The following SNX32 variants were observed in gnomAD, a reference collection of about 807,000 sequenced individuals.
SNX32 encodes the protein sorting nexin-32.
Under a neutral mutation model 57.0 loss-of-function variants are expected in SNX32, and 58 were observed. The observed-to-expected ratio is 1.02, with a 90% CI of 0.82 to 1.27. SNX32 has a LOEUF of 1.27. Ranked by LOEUF, SNX32 falls within the 50% of genes most tolerant of loss-of-function variation. The probability of loss-of-function intolerance (pLI) is 0.00; values close to 1 mark genes in which losing one functional copy is unlikely to be tolerated. For missense variants in SNX32, 589 were observed against 541.2 expected, an observed-to-expected ratio of 1.09 and a Z score of -0.88; for synonymous variants, 262 against 220.4, an observed-to-expected ratio of 1.19 and a Z score of -1.67.
chr11:65,851,722 T>C, intron 9 of SNX32, 43 bp downstream of exon 9: 1 of 1,607,308 alleles, frequency 6.2e-7, no homozygotes, highest in African/African-American at 1.3e-5. Context: ...CTGGTGAGCT[T>C]TGCAGGGAAG....
intron 1 of SNX32, among the ~76,000 whole-genome samples, chr11:65,840,676 T>C (rs925202261): frequency 1.3e-5 from 2 of 152,088 alleles, no homozygotes; most frequent in Non-Finnish European, 2.9e-5. Context: ...TGGTGGCAGA[T>C]GCCTGTAGTC....
chr11:65,848,390 T>A (rs3892544), intron 1 of SNX32, among the ~76,000 whole-genome samples: 5 of 145,154 alleles, frequency 3.4e-5, no homozygotes, highest in African/African-American at 7.7e-5. Flanking sequence ...CTGGGCAACA[T>A]AGCAAGACTC....
At chr11:65,838,794 G>A (rs1858740946) in intron 1 of SNX32, among the ~76,000 whole-genome samples, 1 of 152,080 alleles carries the variant, frequency 6.6e-6, no homozygotes, top group Admixed American at 6.6e-5. Flanking sequence ...CAGAATTAAT[G>A]TGGAATCAAA....
rs762920128 is a variant in SNX32 at position 65,852,854 on chromosome 11, C to T, written c.1073-19C>T. On this transcript the variant is annotated intron_variant, in intron 11 of 12. Transcript: ENST00000308342. ...CCCTGCCCTGCCCGGATCCCCATGC[C>T]TCTTCCCCTCCTCTCCAGAGCTCAT... The T allele has an allele frequency of 6.2e-7, 1 of 1,614,056 alleles. No homozygotes were observed.
chr11:65,851,955 G>C (rs916087207), intron 9 of SNX32, among the ~76,000 whole-genome samples: 5 of 152,154 alleles, frequency 3.3e-5, no homozygotes, highest in Non-Finnish European at 5.9e-5. Context: ...CAAACCTCTG[G>C]CAGGCTGCAC....
chr11:65,834,452 G>A (rs1435340780), intron 1 of SNX32, among the ~76,000 whole-genome samples: 1 of 146,872 alleles, frequency 6.8e-6, no homozygotes, highest in Non-Finnish European at 1.5e-5. Context: ...TGTGTGTATG[G>A]CCTGTGTGTG....
At chr11:65,847,331 G>C (rs1859029633) in intron 1 of SNX32, among the ~76,000 whole-genome samples, 1 of 151,958 alleles carries the variant, frequency 6.6e-6, no homozygotes, top group South Asian at 2.1e-4. Flanking sequence ...AAATTAGCTG[G>C]GCATGGTGGC....
At chr11:65,846,587 C>T (rs950846509) in intron 1 of SNX32, among the ~76,000 whole-genome samples, 6 of 147,194 alleles carry the variant, frequency 4.1e-5, no homozygotes, top group Non-Finnish European at 7.5e-5. Flanking sequence ...AAAAAGAATA[C>T]GCCAGAATAA....
intron 6 of SNX32, 91 bp from the exon 7 acceptor site, chr11:65,850,964 G>A: frequency 1.3e-6 from 2 of 1,505,436 alleles, no homozygotes; most frequent in Admixed American, 1.7e-5. Context: ...GCCTGGCCTG[G>A]TTTGGAAGGA....
At chr11:65,848,589 T>G (rs1244238504) in intron 1 of SNX32, among the ~76,000 whole-genome samples, 1 of 152,094 alleles carries the variant, frequency 6.6e-6, no homozygotes, top group African/African-American at 2.4e-5. Context: ...TAAATACATG[T>G]TGAATAGCTC....
intron 9 of SNX32, 46 bp downstream of exon 9, chr11:65,851,725 C>G: frequency 6.2e-7 from 1 of 1,602,170 alleles, no homozygotes; most frequent in Non-Finnish European, 8.6e-7. Flanking sequence ...GTGAGCTTTG[C>G]AGGGAAGATG....
At chr11:65,850,397 G>T in intron 4 of SNX32, 34 bp from the exon 5 acceptor site, 1 of 1,613,542 alleles carries the variant, frequency 6.2e-7, no homozygotes, top group Non-Finnish European at 8.5e-7. Flanking sequence ...GATGGGGGCT[G>T]AGGAGGGCCG....
chr11:65,850,431 G>A lies in SNX32; in HGVS notation c.375G>A (p.Ala125=). The change falls in exon 5 of 13, where the codon GCG becomes GCA. Residue 125 remains alanine (A), a splice_region_variant and synonymous_variant. Coordinates refer to ENST00000308342, the MANE Select transcript of SNX32 (RefSeq NM_152760.3). ...CGGTGAGCTGCTGCCACTCTCGCAG[G>A]GAGTACCTGGCCATCTTTAAGAAGA... ...EFAKMKQELE[A]EYLAIFKKTV... The A allele has an allele frequency of 6.2e-7, 1 of 1,614,152 alleles. No individual in the cohort carries two copies. The highest frequency in any genetic ancestry group is 1.1e-5 in the South Asian group (1 of 91,088).
Position 65,853,265 on chromosome 11 carries a change from C to A in SNX32, c.1159-17C>A. The A allele has an allele frequency of 6.2e-7, 1 of 1,614,036 alleles. No homozygotes were observed. Among genetic ancestry groups the A allele is most frequent in the Non-Finnish European group, 8.5e-7 (1 of 1,179,972 alleles). ...TCAGGGAGCAGGGGACTTCAAGGAC[C>A]TGTTTCTCCTCTGCAGGCCAGCACC... On this transcript the variant is annotated splice_polypyrimidine_tract_variant and intron_variant, in intron 12 of 12. Coordinates refer to ENST00000308342, the MANE Select transcript of SNX32 (RefSeq NM_152760.3).
chr11:65,851,550 A>G (rs1859197341), intron 8 of SNX32, 90 bp from the exon 9 acceptor site: 1 of 1,550,694 alleles, frequency 6.4e-7, no homozygotes, highest in Admixed American at 1.7e-5. Flanking sequence ...AGGAAAGGGG[A>G]GAGGGAGATT....
intron 1 of SNX32, among the ~76,000 whole-genome samples, chr11:65,845,950 T>C (rs533346398): frequency 1.3e-5 from 2 of 152,148 alleles, no homozygotes; most frequent in African/African-American, 4.8e-5. Context: ...CAATGCATAA[T>C]TGCATTTCTG....
chr11:65,851,553 G>A, intron 8 of SNX32, 87 bp from the exon 9 acceptor site: 2 of 1,558,512 alleles, frequency 1.3e-6, no homozygotes, highest in African/African-American at 1.4e-5. Context: ...AAAGGGGAGA[G>A]GGAGATTCCC....
In SNX32 at chr11:65,852,638, G is replaced by C; in HGVS notation, c.921G>C (p.Leu307=). The part of the protein sequence containing the change: ...MRDSQAAKDL[L]YRRLRALADY... ...TGTGCCCATGGTCCTAGGACCTGCTGTACCGGCGGCTGCGGGCACTGGCCG... is the reference window on the plus strand; with the variant it reads ...TGTGCCCATGGTCCTAGGACCTGCTCTACCGGCGGCTGCGGGCACTGGCCG... The change falls in exon 11 of 13, where the codon CTG becomes CTC. Residue 307 remains leucine (L), a synonymous_variant. Transcript: ENST00000308342. The C allele has an allele frequency of 6.2e-7, 1 of 1,609,378 alleles. No individual in the cohort carries two copies. The highest frequency in any genetic ancestry group is 8.5e-7 in the Non-Finnish European group (1 of 1,178,582).
intron 1 of SNX32, among the ~76,000 whole-genome samples, chr11:65,834,405 CTG>C (rs956446722): frequency 2.1e-5 from 3 of 145,204 alleles, no homozygotes; most frequent in Non-Finnish European, 4.5e-5. Context: ...CTCTGTGTAT[CTG>C]TGTGTGTGTC....
Sources: allele counts gnomAD v4.1 joint callset (sites outside exome capture counted in the v4.1 genomes callset), GRCh38; gene constraint gnomAD v4.1.1; transcripts MANE v1.5; gene names NCBI Gene and HGNC (gene_info 2026-07-23, HGNC 2026-07-21).